Variants in AGBL1 observed in about 807,000 individuals in gnomAD.
AGBL1 encodes AGBL carboxypeptidase 1.
AGBL1 carries 130 observed loss-of-function variants against 118.9 expected under a neutral mutation model. The observed-to-expected ratio is 1.09, with a 90% confidence interval of 0.95 to 1.26. The LOEUF (loss-of-function observed/expected upper bound fraction) is 1.26, where lower values mean the gene tolerates loss of function less well. AGBL1 is among the 50% of genes most tolerant of loss of function. The pLI, the probability that AGBL1 is intolerant of heterozygous loss-of-function variation, is 0.00. For missense variants in AGBL1, 1,584 were observed against 1,298.1 expected, an observed-to-expected ratio of 1.22 and a Z score of -3.38; for synonymous variants, 555 against 478.9, an observed-to-expected ratio of 1.16 and a Z score of -2.08.
At chr15:86,681,371 C>T (rs1267619266) in intron 22 of AGBL1, among the ~76,000 whole-genome samples, 1 of 152,156 alleles carries the variant, frequency 6.6e-6, no homozygotes, top group African/African-American at 2.4e-5. Flanking sequence ...GCTCACTTTC[C>T]ATTTGGATCA....
chr15:86,782,645 A>G (rs550286471), intron 22 of AGBL1, among the ~76,000 whole-genome samples: 6 of 152,176 alleles, frequency 3.9e-5, no homozygotes, highest in Non-Finnish European at 7.4e-5. Context: ...CTTCAAGTTG[A>G]TATCAGTCAA....
At position 86,820,140 on chromosome 15, in the gene AGBL1, C is replaced by T. The variant is rs555855018; in HGVS notation, c.3159-86947C>T. ...TCCTTACACCTTATACAAAAATTAACTCAAGATGGATATAAGACTTAAACA... is the reference window on the plus strand; with the variant it reads ...TCCTTACACCTTATACAAAAATTAATTCAAGATGGATATAAGACTTAAACA... On this transcript the variant is annotated intron_variant, in intron 22 of 22. Transcript: ENST00000614907. Among the ~76,000 whole-genome samples, 234 of 152,242 alleles carry T rather than the reference C, an allele frequency of 1.5e-3. 1 individual carries two copies. Among genetic ancestry groups the T allele is most frequent in the African/African-American group, 5.3e-3 (221 of 41,550 alleles).
intron 18 of AGBL1, among the ~76,000 whole-genome samples, chr15:86,430,181 T>C (rs2081918032): frequency 6.6e-6 from 1 of 152,200 alleles, no homozygotes; most frequent in African/African-American, 2.4e-5. Context: ...ACTAAGCACC[T>C]TAAAGCAGAA....
At chr15:86,850,218 A>G (rs1285173907) in intron 22 of AGBL1, among the ~76,000 whole-genome samples, 1 of 93,094 alleles carries the variant, frequency 1.1e-5, no homozygotes, top group African/African-American at 5.1e-5. Flanking sequence ...TCAAGGCTTG[A>G]TAAGTAGCAA....
At chr15:86,331,988 T>TA (rs1167637011) in intron 17 of AGBL1, among the ~76,000 whole-genome samples, 12 of 152,046 alleles carry the variant, frequency 7.9e-5, no homozygotes, top group Admixed American at 7.2e-4. Flanking sequence ...GCAAGTTGGA[T>TA]AAAAAACCAA....
chr15:86,882,997 T>C (rs902878340), intron 22 of AGBL1, among the ~76,000 whole-genome samples: 7 of 152,228 alleles, frequency 4.6e-5, no homozygotes, highest in African/African-American at 9.6e-5. Flanking sequence ...GAAATGAATT[T>C]AGAGGAGTTG....
At chr15:86,429,299 C>G (rs1331414601) in intron 18 of AGBL1, among the ~76,000 whole-genome samples, 1 of 152,196 alleles carries the variant, frequency 6.6e-6, no homozygotes, top group Non-Finnish European at 1.5e-5. Context: ...CAGGGCCAGT[C>G]TTATGGCAAA....
At chr15:86,743,323 G>A (rs1436373217) in intron 22 of AGBL1, among the ~76,000 whole-genome samples, 1 of 152,088 alleles carries the variant, frequency 6.6e-6, no homozygotes, top group Non-Finnish European at 1.5e-5. Flanking sequence ...CTCTAGGGGA[G>A]CCTAAGGGGG....
intron 17 of AGBL1, among the ~76,000 whole-genome samples, chr15:86,380,794 T>C (rs1335433158): frequency 2.0e-5 from 3 of 152,244 alleles, no homozygotes; most frequent in African/African-American, 7.2e-5. Context: ...TCATTCTCAT[T>C]TGAATCCTCT....
At chr15:86,539,785 G>C (rs79007911) in intron 19 of AGBL1, among the ~76,000 whole-genome samples, 4,744 of 152,186 alleles carry the variant, frequency 0.031, 127 homozygotes, top group East Asian at 0.12. Flanking sequence ...CACTTCCAAG[G>C]TGCTGCTCCC....
chr15:86,741,230 T>C (rs553429756), intron 22 of AGBL1, among the ~76,000 whole-genome samples: 2 of 150,764 alleles, frequency 1.3e-5, no homozygotes, highest in East Asian at 3.9e-4. Context: ...GGCAGGACTG[T>C]TTATATTAGC....
intron 22 of AGBL1, among the ~76,000 whole-genome samples, chr15:86,792,073 A>G (rs2078502430): frequency 6.6e-6 from 1 of 152,052 alleles, no homozygotes; most frequent in African/African-American, 2.4e-5. Flanking sequence ...TTGCCTCAAC[A>G]TATATTTGAT....
intron 22 of AGBL1, among the ~76,000 whole-genome samples, chr15:86,681,438 A>G (rs16977919): frequency 0.056 from 8,546 of 152,166 alleles, 306 homozygotes; most frequent in Middle Eastern, 0.1. Flanking sequence ...CTTTCCAGAT[A>G]CCTTTATACA....
At chr15:86,963,639 G>A (rs921101921) in intron 23 of AGBL1, among the ~76,000 whole-genome samples, 2 of 151,982 alleles carry the variant, frequency 1.3e-5, no homozygotes, top group African/African-American at 4.8e-5. Context: ...ATTTATCGGT[G>A]TATCCTCACA....
intron 22 of AGBL1, among the ~76,000 whole-genome samples, chr15:86,754,723 A>G (rs943022173): frequency 6.6e-6 from 1 of 152,060 alleles, no homozygotes; most frequent in African/African-American, 2.4e-5. Flanking sequence ...ATTGTTGCTT[A>G]TGGCACTAAT....
Position 86,530,138 on chromosome 15 carries a change from T to G in AGBL1, c.2685+7199T>G, listed in dbSNP as rs990808929. Among the ~76,000 whole-genome samples the G allele has an allele frequency of 7.8e-5, 11 of 140,546 alleles. No individual in the cohort carries two copies. The East Asian group carries it at 9.8e-4, about 13-fold the overall frequency. The allele number at this position is 140,546 out of a possible 152,430, so 92.2% of individuals were successfully genotyped here. A position where few individuals can be genotyped will look rare whatever the true frequency, so the allele number is the denominator to read the frequency against. On this transcript the variant is annotated intron_variant, in intron 19 of 22. Coordinates refer to ENST00000614907, the MANE Select transcript of AGBL1 (RefSeq NM_001386094.1). The stretch of plus-strand genomic sequence containing the variant: ...AACTTTAAATGTAAATGGACTAAAT[T>G]CTCCAATTAAAAGACACAGACTGGC...
intron 22 of AGBL1, among the ~76,000 whole-genome samples, chr15:86,816,651 T>C (rs1293326424): frequency 2.6e-5 from 4 of 151,988 alleles, no homozygotes; most frequent in Non-Finnish European, 5.9e-5. Flanking sequence ...CTGGAGAGAT[T>C]AAAATAGAAA....
At chr15:86,290,219 C>T (rs187947016) in intron 16 of AGBL1, among the ~76,000 whole-genome samples, 7 of 151,910 alleles carry the variant, frequency 4.6e-5, no homozygotes. Flanking sequence ...ATATAGTAAC[C>T]ATATTTTTAG....
intron 5 of AGBL1, among the ~76,000 whole-genome samples, chr15:86,198,024 C>T (rs1474476234): frequency 6.6e-6 from 1 of 152,154 alleles, no homozygotes; most frequent in Non-Finnish European, 1.5e-5. Context: ...TTTCAAGAGG[C>T]CAAGCTATCT....
Sources: gnomAD v4.1 joint callset for allele counts (sites outside exome capture counted in the v4.1 genomes callset) on GRCh38, gnomAD v4.1.1 for gene constraint, MANE v1.5 for transcripts, NCBI Gene and HGNC (gene_info 2026-07-23, HGNC 2026-07-21) for gene names.